The following TAFA1 variants were observed in gnomAD, a reference collection of about 807,000 sequenced individuals.
The protein encoded by TAFA1 is chemokine-like protein TAFA-1.
TAFA1 carries 4 observed loss-of-function variants against 18.5 expected under a neutral mutation model. The ratio of observed to expected loss-of-function variants is 0.22; its 90% CI spans 0.11 to 0.49. The LOEUF (loss-of-function observed/expected upper bound fraction) is 0.49. Among genes scored for constraint, TAFA1 ranks in the 20% least tolerant of loss-of-function variants. TAFA1 has a pLI of 0.98. For synonymous variants in TAFA1, 56 were observed against 55.2 expected (o/e 1.01, Z -0.06); for missense variants, 147 against 169.0 (o/e 0.87, Z 0.72).
chr3:68,172,707 T>C (rs906745198), intron 2 of TAFA1, among the ~76,000 whole-genome samples: 2 of 152,098 alleles, frequency 1.3e-5, no homozygotes, highest in African/African-American at 4.8e-5. Flanking sequence ...GACATACCGA[T>C]ACATGCTACA....
intron 2 of TAFA1, among the ~76,000 whole-genome samples, chr3:68,266,983 G>A (rs529617608): frequency 5.8e-4 from 89 of 152,190 alleles, no homozygotes; most frequent in African/African-American, 2.1e-3. Flanking sequence ...ATTGCCAAAG[G>A]TACAGGGGGC....
intron 2 of TAFA1, among the ~76,000 whole-genome samples, chr3:68,177,006 G>A (rs112700011): frequency 2.3e-3 from 354 of 152,196 alleles, no homozygotes; most frequent in African/African-American, 8.0e-3. Context: ...GGTGATCATC[G>A]AGAACTGGTA....
chr3:68,343,321 G>C (rs1291263541), intron 2 of TAFA1, among the ~76,000 whole-genome samples: 3 of 152,130 alleles, frequency 2.0e-5, no homozygotes, highest in Non-Finnish European at 4.4e-5. Flanking sequence ...TACTGAGTCA[G>C]AATTTCTGGG....
At chr3:68,104,384 A>G (rs562544325) in intron 2 of TAFA1, among the ~76,000 whole-genome samples, 2 of 152,182 alleles carry the variant, frequency 1.3e-5, no homozygotes, top group South Asian at 4.1e-4. Context: ...AAATTGTAAA[A>G]TATATTAACA....
intron 2 of TAFA1, among the ~76,000 whole-genome samples, chr3:68,297,626 C>T (rs1435889303): frequency 6.6e-6 from 1 of 152,082 alleles, no homozygotes; most frequent in Non-Finnish European, 1.5e-5. Context: ...ATATTATCAA[C>T]CTCAGTGAAG....
At chr3:68,376,125 C>T (rs767730335) in intron 2 of TAFA1, among the ~76,000 whole-genome samples, 3 of 152,072 alleles carry the variant, frequency 2.0e-5, no homozygotes, top group African/African-American at 7.2e-5. Flanking sequence ...TTTTGAGCTC[C>T]AGGTCCTCAA....
intron 2 of TAFA1, among the ~76,000 whole-genome samples, chr3:68,295,631 G>A (rs1231705688): frequency 6.6e-6 from 1 of 152,082 alleles, no homozygotes; most frequent in African/African-American, 2.4e-5. Context: ...TTTTGAGACA[G>A]GGTCTTTCTC....
rs535526857 is a variant in TAFA1 at position 68,351,556 on chromosome 3, G to A, written c.119-65724G>A. Among the ~76,000 whole-genome samples, 85 of 152,130 alleles carry A rather than the reference G, an allele frequency of 5.6e-4. No homozygotes were observed. The Middle Eastern group carries it at 0.017, about 30-fold the overall frequency. ...TTTTATATATTCATGGGGGACACTC[G>A]GAGTAGCTCTCTAAGAGTGACTTTG... On this transcript the variant is annotated intron_variant, in intron 2 of 4. Coordinates refer to ENST00000478136, the MANE Select transcript of TAFA1 (RefSeq NM_213609.4).
At chr3:68,452,522 CA>C (rs10663334) in intron 3 of TAFA1, among the ~76,000 whole-genome samples, 47 of 113,352 alleles carry the variant, frequency 4.1e-4, no homozygotes, top group Middle Eastern at 4.8e-3. Flanking sequence ...AACTCTCTCT[CA>C]AAAAAAAAAA....
intron 2 of TAFA1, among the ~76,000 whole-genome samples, chr3:68,370,468 G>GTATATATATATATATATATA (rs2069674057): frequency 1.8e-4 from 3 of 16,624 alleles, no homozygotes; most frequent in Admixed American, 1.1e-3. Context: ...GTGTGTGTGT[G>GTATATATATATATATATATA]TGTGTATATA....
chr3:68,200,062 T>C (rs2066454026), intron 2 of TAFA1, among the ~76,000 whole-genome samples: 1 of 151,598 alleles, frequency 6.6e-6, no homozygotes. Context: ...ATGTTGGATT[T>C]TATTGAATGC....
intron 2 of TAFA1, among the ~76,000 whole-genome samples, chr3:68,170,889 C>CGT: frequency 1.3e-5 from 2 of 151,448 alleles, no homozygotes; most frequent in Non-Finnish European, 3.0e-5. Flanking sequence ...CACACACGTA[C>CGT]ACACACACAA....
At chr3:68,162,502 T>C (rs2065937147) in intron 2 of TAFA1, among the ~76,000 whole-genome samples, 1 of 152,212 alleles carries the variant, frequency 6.6e-6, no homozygotes, top group Non-Finnish European at 1.5e-5. Flanking sequence ...GACCAGTGCC[T>C]GTCTATGGCC....
chr3:68,081,227 G>A (rs556040382), intron 2 of TAFA1, among the ~76,000 whole-genome samples: 29 of 151,716 alleles, frequency 1.9e-4, no homozygotes, highest in African/African-American at 5.8e-4. Flanking sequence ...AATTTTTTTC[G>A]AAGTTTTCAA....
At chr3:68,415,675 G>A (rs2070819973) in intron 2 of TAFA1, among the ~76,000 whole-genome samples, 1 of 146,948 alleles carries the variant, frequency 6.8e-6, no homozygotes, top group Non-Finnish European at 1.5e-5. Context: ...ATTATAGGAA[G>A]TATATACAGA....
chr3:68,118,213 G>A (rs2065346349), intron 2 of TAFA1, among the ~76,000 whole-genome samples: 1 of 152,228 alleles, frequency 6.6e-6, no homozygotes, highest in African/African-American at 2.4e-5. Flanking sequence ...CCATCTGAAG[G>A]TGATGAAAGA....
chr3:68,404,309 T>C (rs1225667683), intron 2 of TAFA1, among the ~76,000 whole-genome samples: 3 of 152,320 alleles, frequency 2.0e-5, no homozygotes, highest in Admixed American at 6.5e-5. Flanking sequence ...CATTCATTGA[T>C]GCTGTAGAGA....
Position 68,362,850 on chromosome 3 carries a change from TA to T in TAFA1, c.119-54427del, listed in dbSNP as rs1198617031. On this transcript the variant is annotated intron_variant, in intron 2 of 4. Transcript: ENST00000478136. ...TTCCAAACACATTTTACTCTGAAAT[TA>T]AATGTGGGGCATGTCATAGTACATA... Among the ~76,000 whole-genome samples the T allele has an allele frequency of 2.6e-5, 4 of 151,762 alleles. No homozygotes were observed. In the East Asian group the frequency reaches 7.8e-4, roughly 29 times the overall value.
intron 2 of TAFA1, among the ~76,000 whole-genome samples, chr3:68,081,294 A>G (rs1322273987): frequency 6.6e-6 from 1 of 152,080 alleles, no homozygotes; most frequent in Non-Finnish European, 1.5e-5. Context: ...TGATCGTCTG[A>G]AGCCTTCTTC....
Sources: allele counts gnomAD v4.1 joint callset (sites outside exome capture counted in the v4.1 genomes callset), GRCh38; gene constraint gnomAD v4.1.1; transcripts MANE v1.5; gene names NCBI Gene and HGNC (gene_info 2026-07-23, HGNC 2026-07-21).